P2RX5: variants seen among roughly 807,000 people sequenced by gnomAD.
P2RX5 encodes purinergic receptor P2X 5.
P2RX5 carries 46 observed loss-of-function variants against 54.1 expected under a neutral mutation model. The ratio of observed to expected loss-of-function variants is 0.85; its 90% confidence interval spans 0.67 to 1.09. P2RX5 has a LOEUF of 1.09. Ranked by LOEUF, P2RX5 falls within the 50% of genes least tolerant of loss-of-function variation. The pLI, the probability that P2RX5 is intolerant of heterozygous loss-of-function variation, is 0.00. For missense variants in P2RX5, 566 were observed against 549.8 expected (o/e 1.03, Z -0.29); for synonymous variants, 226 against 226.4 (o/e 1.00, Z 0.02).
the P2RX5 span, chr17:3,720,718 A>AATTAT: frequency 5.0e-6 from 1 of 201,550 alleles, no homozygotes; most frequent in Non-Finnish European, 1.0e-5. Flanking sequence ...GAGTAGCTGG[A>AATTAT]ATTATGGGCA....
At chr17:3,706,812 G>A in the P2RX5 span, among the ~76,000 whole-genome samples, 10 of 152,134 alleles carry the variant, frequency 6.6e-5, no homozygotes, top group East Asian at 1.9e-4. Flanking sequence ...GGTTTTCACC[G>A]TGTTAGCCAG....
At chr17:3,676,537 G>T (rs566898562) in intron 11 of P2RX5, 223 of 985,372 alleles carry the variant, frequency 2.3e-4, no homozygotes, top group Non-Finnish European at 2.5e-4. Context: ...CTTTCAGGGT[G>T]GGGGAGGAAG....
chr17:3,677,275 G>A (rs1225679028), intron 11 of P2RX5: 1 of 985,334 alleles, frequency 1.0e-6, no homozygotes, highest in Non-Finnish European at 1.2e-6. Flanking sequence ...GGGGTGGGGA[G>A]GGCAGGAGCT....
At chr17:3,695,845 C>G in intron 1 of P2RX5, 24 bp downstream of exon 1, 1 of 1,512,824 alleles carries the variant, frequency 6.6e-7, no homozygotes, top group Non-Finnish European at 9.1e-7. Flanking sequence ...CCCCCGCCTT[C>G]CCAAAAGTCC....
chr17:3,677,102 G>A, intron 11 of P2RX5: 14 of 985,350 alleles, frequency 1.4e-5, no homozygotes, highest in Non-Finnish European at 1.7e-5. Flanking sequence ...TACAGCGATG[G>A]AGGCAGAGAG....
At chr17:3,699,906 G>A (rs374763568), upstream of P2RX5, among the ~76,000 whole-genome samples, 45 of 37,604 alleles carry the variant, frequency 1.2e-3, 1 homozygote, top group South Asian at 3.8e-3. Context: ...AGGAAGGAAG[G>A]AAGGAAGGAA....
At chr17:3,691,324 C>T (rs1217247916) in intron 2 of P2RX5, among the ~76,000 whole-genome samples, 1 of 152,238 alleles carries the variant, frequency 6.6e-6, no homozygotes, top group African/African-American at 2.4e-5. Flanking sequence ...GAGCTATTCC[C>T]AGAGGCAGTG....
intron 1 of P2RX5, among the ~76,000 whole-genome samples, chr17:3,692,694 A>T (rs1448193263): frequency 6.6e-6 from 1 of 151,904 alleles, no homozygotes; most frequent in East Asian, 1.9e-4. Context: ...ACAAAAAAGT[A>T]ATCTAGGCAT....
At chr17:3,704,886 A>G in the P2RX5 span, among the ~76,000 whole-genome samples, 4 of 152,154 alleles carry the variant, frequency 2.6e-5, no homozygotes, top group Non-Finnish European at 5.9e-5. Context: ...CGTGCCTGGA[A>G]TCCCAGCTAC....
intron 6 of P2RX5, 150 bp downstream of exon 6, chr17:3,689,920 G>GCACGCGCA: frequency 2.4e-6 from 2 of 841,894 alleles, no homozygotes; most frequent in Non-Finnish European, 4.1e-6. Flanking sequence ...ACAGACACAT[G>GCACGCGCA]CACGCGCACA....
chr17:3,675,098 G>A (rs1488255329), intron 11 of P2RX5, among the ~76,000 whole-genome samples: 4 of 152,150 alleles, frequency 2.6e-5, no homozygotes, highest in East Asian at 1.9e-4. Context: ...GGAGTGCAGT[G>A]GCACGATCTT....
intron 1 of P2RX5, among the ~76,000 whole-genome samples, chr17:3,693,594 C>G (rs1233093609): frequency 6.6e-6 from 1 of 152,006 alleles, no homozygotes; most frequent in African/African-American, 2.4e-5. Context: ...AAAAATTAGC[C>G]AGGCATGGTG....
chr17:3,698,498 T>A (rs1041361558), upstream of P2RX5, among the ~76,000 whole-genome samples: 2 of 151,590 alleles, frequency 1.3e-5, no homozygotes, highest in Non-Finnish European at 2.9e-5. Context: ...AGGGAAGGGG[T>A]GAGTAAGTGA....
At chr17:3,714,151 T>A in the P2RX5 span, among the ~76,000 whole-genome samples, 5 of 151,996 alleles carry the variant, frequency 3.3e-5, no homozygotes, top group African/African-American at 1.2e-4. Context: ...ATGGTCTCCA[T>A]CTCCTGACCT....
chr17:3,699,883 AAGGAAGGAAGGAAG>A (rs2050804791), upstream of P2RX5, among the ~76,000 whole-genome samples: 6 of 53,898 alleles, frequency 1.1e-4, no homozygotes, highest in South Asian at 1.2e-3. Flanking sequence ...GAAAGGAAGG[AAGGAAGGAAGGAAG>A]GAAGGAAGGA....
chr17:3,685,137 G>A (rs967269787), intron 9 of P2RX5, among the ~76,000 whole-genome samples: 29 of 151,828 alleles, frequency 1.9e-4, no homozygotes, highest in African/African-American at 4.6e-4. Flanking sequence ...GAGTCACTGC[G>A]CCCGGCCTAA....
At chr17:3,718,560 T>A in the P2RX5 span, among the ~76,000 whole-genome samples, 3 of 152,240 alleles carry the variant, frequency 2.0e-5, no homozygotes, top group Non-Finnish European at 4.4e-5. Context: ...TGGATACAGT[T>A]TGTTTATACT....
intron 6 of P2RX5, 142 bp downstream of exon 6, chr17:3,689,926 GCA>G (rs1370414720): frequency 5.9e-6 from 5 of 846,820 alleles, no homozygotes; most frequent in East Asian, 2.4e-5. Context: ...ACATGCACGC[GCA>G]CACACGCACA....
At chr17:3,679,062 G>T (rs148225469) in intron 11 of P2RX5, among the ~76,000 whole-genome samples, 188 of 152,316 alleles carry the variant, frequency 1.2e-3, no homozygotes, top group Admixed American at 5.2e-3. Flanking sequence ...AGGGGCTGAG[G>T]GGGGGTCATC....
Sources: allele counts gnomAD v4.1 joint callset (sites outside exome capture counted in the v4.1 genomes callset), GRCh38; gene constraint gnomAD v4.1.1; transcripts MANE v1.5; gene names NCBI Gene and HGNC (gene_info 2026-07-23, HGNC 2026-07-21).